The following FAM13B variants were observed in gnomAD, a reference collection of about 807,000 sequenced individuals.
FAM13B encodes family with sequence similarity 13 member B.
Under a neutral mutation model 117.3 loss-of-function variants are expected in FAM13B, and 60 were observed. The observed-to-expected ratio is 0.51, with a 90% CI of 0.42 to 0.63. The LOEUF is 0.63. FAM13B is among the 30% of genes least tolerant of loss of function. FAM13B has a pLI of 0.00. For synonymous variants in FAM13B, 332 were observed against 356.1 expected (o/e 0.93, Z 0.76); for missense variants, 972 against 1,091.9 (o/e 0.89, Z 1.55).
At chr5:137,958,460 C>T (rs751264694) in intron 13 of FAM13B, among the ~76,000 whole-genome samples, 2 of 150,022 alleles carry the variant, frequency 1.3e-5, no homozygotes, top group Non-Finnish European at 3.0e-5. Context: ...AAAAAAAAAA[C>T]AAGACCCACA....
chr5:138,031,522 C>A lies in FAM13B; in HGVS notation c.-203+1260G>T, dbSNP rs1790003412. 2.0e-5 allele frequency among the ~76,000 whole-genome samples: 3 copies of A among 151,736 alleles called. No homozygotes were observed. The South Asian group carries it at 6.3e-4, about 32-fold the overall frequency. ...CAACTTAGTGAAATCTGATCTCTACCAAAAATACAAAAATTAGTCAGGCGT... is the reference window on the plus strand; with the variant it reads ...CAACTTAGTGAAATCTGATCTCTACAAAAAATACAAAAATTAGTCAGGCGT... On this transcript the variant is annotated intron_variant, in intron 1 of 23. Coordinates refer to ENST00000689681, the MANE Select transcript of FAM13B (RefSeq NM_001385994.1).
chr5:138,008,323 TC>T (rs1783052984), intron 6 of FAM13B, among the ~76,000 whole-genome samples: 1 of 152,124 alleles, frequency 6.6e-6, no homozygotes. Context: ...GTGCTTGTAG[TC>T]CCAGCTACTT....
chr5:137,986,426 T>TCC (rs372003381), intron 9 of FAM13B, among the ~76,000 whole-genome samples: 22,910 of 65,068 alleles, frequency 0.35, 2,244 homozygotes, highest in Non-Finnish European at 0.41. Flanking sequence ...TTTCTCATCT[T>TCC]CCCCCCCCCA....
chr5:137,971,553 T>G (rs1772155955), intron 10 of FAM13B, among the ~76,000 whole-genome samples: 1 of 149,606 alleles, frequency 6.7e-6, no homozygotes, highest in South Asian at 2.2e-4. Flanking sequence ...TTAAAAGAAC[T>G]AGAAAAGCAA....
chr5:138,024,542 A>C (rs1787664129), intron 1 of FAM13B, among the ~76,000 whole-genome samples: 1 of 151,460 alleles, frequency 6.6e-6, no homozygotes, highest in Admixed American at 6.6e-5. Context: ...AAAGTCCTAG[A>C]AAATGAATGC....
chr5:137,973,284 T>C (rs71589390), intron 10 of FAM13B, among the ~76,000 whole-genome samples: 17,482 of 151,994 alleles, frequency 0.12, 1,573 homozygotes, highest in East Asian at 0.36. Flanking sequence ...GAACAGAACA[T>C]AGCCCTCAGA....
Position 137,962,485 on chromosome 5 carries a change from C to A in FAM13B, c.1180-16G>T. On this transcript the variant is annotated splice_polypyrimidine_tract_variant and intron_variant, in intron 10 of 23. Coordinates refer to ENST00000689681, the MANE Select transcript of FAM13B (RefSeq NM_001385994.1). ...TACCTACAGACTGACAAAAAGAACA[C>A]TACCATGTATTAATGGAGCTCCCAA... 1 of 1,609,944 alleles carries A rather than the reference C, an allele frequency of 6.2e-7. No homozygotes were observed. Among genetic ancestry groups the A allele is most frequent in the Non-Finnish European group, 8.5e-7 (1 of 1,178,156 alleles).
Position 138,000,836 on chromosome 5 carries a change from C to T in FAM13B, c.848+6154G>A, listed in dbSNP as rs117347796. Among the ~76,000 whole-genome samples, 260 of 151,124 alleles carry T rather than the reference C, an allele frequency of 1.7e-3. 6 individuals are homozygous for T. The East Asian group carries it at 0.04, about 23-fold the overall frequency. ...GACCCAGCTACTTGGGTGGCTGAGG[C>T]GCAATAATCCCTTAACTCTGAAAGC... On this transcript the variant is annotated intron_variant, in intron 7 of 23. Coordinates refer to ENST00000689681, the MANE Select transcript of FAM13B (RefSeq NM_001385994.1).
Position 138,032,855 on chromosome 5 carries a change from G to T in FAM13B, c.-276C>A. The T allele has an allele frequency of 3.0e-6, 3 of 985,792 alleles. No homozygotes were observed. The highest frequency in any genetic ancestry group is 3.6e-6 in the Non-Finnish European group (3 of 829,996). The allele number at this position is 985,792 out of a possible 1,614,324, so 61.1% of individuals were successfully genotyped here. On this transcript the variant is annotated 5_prime_UTR_variant, in exon 1 of 24. Coordinates refer to ENST00000689681, the MANE Select transcript of FAM13B (RefSeq NM_001385994.1). The stretch of plus-strand genomic sequence containing the variant: ...ACCCGCGGCGACGGCAAGAGGGCGA[G>T]AACTGAGGCCCCAAGTGGCTCCGCG...
intron 1 of FAM13B, among the ~76,000 whole-genome samples, chr5:138,049,104 G>A (rs1027690238): frequency 6.6e-5 from 10 of 152,048 alleles, no homozygotes; most frequent in African/African-American, 2.4e-4. Context: ...ACCGCGCCCA[G>A]CTAATTTTTG....
At chr5:137,974,619 TAAAA>T (rs1160488133) in intron 10 of FAM13B, among the ~76,000 whole-genome samples, 2 of 60,306 alleles carry the variant, frequency 3.3e-5, no homozygotes, top group African/African-American at 6.5e-5. Flanking sequence ...TAATAATAAA[TAAAA>T]AAAAGAAAAA....
intron 7 of FAM13B, among the ~76,000 whole-genome samples, chr5:137,996,687 G>A (rs939376830): frequency 3.3e-5 from 5 of 151,984 alleles, no homozygotes; most frequent in African/African-American, 7.3e-5. Context: ...CACCTTCCGC[G>A]TTCAAGCGAT....
In FAM13B at chr5:137,962,409, C is replaced by G. The variant is rs886311474; in HGVS notation, c.1240G>C (p.Glu414Gln). ...DRGDSEDGCLEREEYLLFDSD... is the reference protein window; with the variant it reads ...DRGDSEDGCLQREEYLLFDSD... Reference sequence around the variant, plus strand: ...GCAACAAGAAAAAATGCTTACCTCTCAAGACAGCCATCTTCACTATCACCA... The same window carrying G: ...GCAACAAGAAAAAATGCTTACCTCTGAAGACAGCCATCTTCACTATCACCA... Residue 414 changes from glutamate (E) to glutamine (Q), a missense_variant, in exon 11 of 24, where the codon GAG becomes CAG. Physicochemically the swap from Glu to Gln is conservative, Grantham distance 29 (BLOSUM62 2). Transcript: ENST00000689681. The G allele has an allele frequency of 1.2e-6, 2 of 1,613,554 alleles. No homozygotes were observed.
intron 10 of FAM13B, among the ~76,000 whole-genome samples, chr5:137,976,825 G>A (rs1240433796): frequency 3.3e-5 from 5 of 152,054 alleles, no homozygotes; most frequent in African/African-American, 1.2e-4. Context: ...TTTCGCCTCA[G>A]GACCCTGTGA....
chr5:138,029,339 G>A (rs549207527), intron 1 of FAM13B, among the ~76,000 whole-genome samples: 20 of 152,302 alleles, frequency 1.3e-4, no homozygotes, highest in Non-Finnish European at 2.8e-4. Flanking sequence ...TGTTTAAAAT[G>A]TCACTGAAAT....
At chr5:138,048,034 A>C (rs1791692166) in intron 1 of FAM13B, among the ~76,000 whole-genome samples, 1 of 152,210 alleles carries the variant, frequency 6.6e-6, no homozygotes, top group Non-Finnish European at 1.5e-5. Flanking sequence ...GTTTCCCCTA[A>C]TGCTAGTACC....
intron 10 of FAM13B, among the ~76,000 whole-genome samples, chr5:137,963,871 T>A (rs1287725269): frequency 2.0e-5 from 3 of 152,192 alleles, no homozygotes; most frequent in African/African-American, 4.8e-5. Context: ...TTTGATGATG[T>A]GAGGTAGAAC....
chr5:137,996,057 A>G (rs1351140477), intron 7 of FAM13B, among the ~76,000 whole-genome samples: 1 of 152,228 alleles, frequency 6.6e-6, no homozygotes, highest in African/African-American at 2.4e-5. Flanking sequence ...AGATACTACT[A>G]CAGTCCGCAT....
chr5:138,003,923 T>G (rs1561517882), intron 7 of FAM13B, among the ~76,000 whole-genome samples: 1 of 152,194 alleles, frequency 6.6e-6, no homozygotes, highest in Non-Finnish European at 1.5e-5. Flanking sequence ...ATTAATAAAC[T>G]GCTTTTTCTA....
Sources: gnomAD v4.1 joint callset for allele counts (sites outside exome capture counted in the v4.1 genomes callset) on GRCh38, gnomAD v4.1.1 for gene constraint, MANE v1.5 for transcripts, NCBI Gene and HGNC (gene_info 2026-07-23, HGNC 2026-07-21) for gene names.